PCDH15: variants seen among roughly 807,000 people sequenced by gnomAD.
The protein encoded by PCDH15 is protocadherin-15.
In PCDH15, 129 loss-of-function variants were observed where a neutral mutation model predicts 178.5. The observed-to-expected ratio is 0.72, with a 90% CI of 0.63 to 0.84. The LOEUF (loss-of-function observed/expected upper bound fraction) is 0.84, where lower values mean the gene tolerates loss of function less well. PCDH15 is among the 40% of genes least tolerant of loss of function. The pLI is 0.00. For synonymous variants in PCDH15, 800 were observed against 732.0 expected (o/e 1.09, Z -1.50); for missense variants, 2,230 against 2,099.9 (o/e 1.06, Z -1.21).
rs151265059 is a variant in PCDH15, at chr10:55,560,329, A to G, written c.-156+67296T>C. Among the ~76,000 whole-genome samples the G allele has an allele frequency of 1.6e-4, 24 of 152,002 alleles. No homozygotes were observed. In the East Asian group the frequency reaches 4.1e-3, roughly 26 times the overall value. On this transcript the variant is annotated intron_variant, in intron 2 of 5. Transcript: ENST00000613346. The stretch of plus-strand genomic sequence containing the variant: ...CTGGGAATGCTTGATGTTTTTTCCA[A>G]CATTGTGAATGGACTTATCACACCC...
chr10:55,164,554 G>A (rs1244449836), intron 2 of PCDH15, among the ~76,000 whole-genome samples: 1 of 151,812 alleles, frequency 6.6e-6, no homozygotes, highest in East Asian at 1.9e-4. Flanking sequence ...ATTGAAATAA[G>A]TATTGAGGAT....
chr10:54,595,261 A>C (rs2092162264), intron 2 of PCDH15, among the ~76,000 whole-genome samples: 1 of 152,164 alleles, frequency 6.6e-6, no homozygotes, highest in South Asian at 2.1e-4. Flanking sequence ...GCAGGTTCCT[A>C]AACTTGATCC....
chr10:53,964,652 A>G (rs1275298598), intron 21 of PCDH15, among the ~76,000 whole-genome samples: 1 of 152,130 alleles, frequency 6.6e-6, no homozygotes, highest in Non-Finnish European at 1.5e-5. Flanking sequence ...AAACCTTGAA[A>G]GCATGTTAGG....
intron 37 of PCDH15, chr10:53,808,193 G>A (rs188374347): frequency 1.3e-5 from 2 of 155,684 alleles, no homozygotes. Context: ...ACATGTTCAT[G>A]ATAGTTTTTA....
At chr10:54,767,453 C>A (rs1375554449) in intron 1 of PCDH15, among the ~76,000 whole-genome samples, 1 of 152,048 alleles carries the variant, frequency 6.6e-6, no homozygotes, top group Non-Finnish European at 1.5e-5. Flanking sequence ...ATTACATAGA[C>A]AGTCCACACT....
chr10:54,556,295 C>T (rs909948609), intron 2 of PCDH15, among the ~76,000 whole-genome samples: 1 of 152,160 alleles, frequency 6.6e-6, no homozygotes, highest in Admixed American at 6.6e-5. Context: ...TGTACCTGGA[C>T]AGTTTTACTG....
intron 2 of PCDH15, among the ~76,000 whole-genome samples, chr10:54,548,498 T>C (rs2133124310): frequency 6.8e-6 from 1 of 147,696 alleles, no homozygotes; most frequent in East Asian, 2.0e-4. Context: ...TACTTCTATT[T>C]TCCATGGTAT....
At chr10:54,023,265 A>T (rs2092983340) in intron 18 of PCDH15, 68 bp from the exon 19 acceptor site, 1 of 1,437,640 alleles carries the variant, frequency 7.0e-7, no homozygotes, top group Non-Finnish European at 9.6e-7. Flanking sequence ...AATGAAGGTA[A>T]CAGTTAACAA....
chr10:55,200,703 C>G (rs1336798616), intron 1 of PCDH15, among the ~76,000 whole-genome samples: 1 of 152,014 alleles, frequency 6.6e-6, no homozygotes, highest in African/African-American at 2.4e-5. Context: ...AAGGAAAGAC[C>G]TGGTGGGAGT....
At chr10:54,215,834 G>T (rs1001648117) in intron 9 of PCDH15, among the ~76,000 whole-genome samples, 3 of 151,834 alleles carry the variant, frequency 2.0e-5, no homozygotes, top group African/African-American at 7.2e-5. Flanking sequence ...GAGGTCAGGA[G>T]ATCCAGACCA....
intron 1 of PCDH15, among the ~76,000 whole-genome samples, chr10:55,194,272 T>C (rs986877882): frequency 6.6e-6 from 1 of 152,038 alleles, no homozygotes; most frequent in Non-Finnish European, 1.5e-5. Context: ...AGCCCTTTTC[T>C]CTCTTCATCA....
At chr10:53,931,787 GA>G (rs2085085434) in intron 25 of PCDH15, among the ~76,000 whole-genome samples, 1 of 152,108 alleles carries the variant, frequency 6.6e-6, no homozygotes, top group Non-Finnish European at 1.5e-5. Context: ...TTCAATATAT[GA>G]ATCTAATACT....
chr10:55,291,233 G>A (rs1360046702), intron 1 of PCDH15, among the ~76,000 whole-genome samples: 1 of 152,052 alleles, frequency 6.6e-6, no homozygotes, highest in Non-Finnish European at 1.5e-5. Flanking sequence ...GAAAATCTGA[G>A]AAAAGCGTTA....
chr10:55,395,845 CA>C (rs201092144), intron 2 of PCDH15, among the ~76,000 whole-genome samples: 1 of 150,488 alleles, frequency 6.6e-6, no homozygotes, highest in Admixed American at 6.6e-5. Context: ...TCCTATATCA[CA>C]AAAAAAACCA....
intron 5 of PCDH15, among the ~76,000 whole-genome samples, chr10:54,350,844 C>T (rs185396596): frequency 1.4e-4 from 21 of 152,232 alleles, no homozygotes; most frequent in African/African-American, 5.1e-4. Context: ...TGGCTAACGC[C>T]TGTAATCCCA....
At chr10:54,616,546 C>A (rs181304697) in intron 2 of PCDH15, among the ~76,000 whole-genome samples, 13 of 152,178 alleles carry the variant, frequency 8.5e-5, no homozygotes, top group South Asian at 4.1e-4. Context: ...TCCCAGACAC[C>A]TTTCCAGATA....
chr10:54,429,489 C>T (rs1956697172), intron 3 of PCDH15, among the ~76,000 whole-genome samples: 1 of 152,078 alleles, frequency 6.6e-6, no homozygotes, highest in Non-Finnish European at 1.5e-5. Flanking sequence ...TCAATGATAA[C>T]TTGTAATGTA....
intron 3 of PCDH15, among the ~76,000 whole-genome samples, chr10:54,883,101 G>C (rs113113725): frequency 6.6e-6 from 1 of 151,772 alleles, no homozygotes; most frequent in African/African-American, 2.4e-5. Context: ...AGAGAAAGTG[G>C]TTTTTCTCTG....
chr10:55,351,784 T>TGTTAAATC (rs1468993442), intron 2 of PCDH15, among the ~76,000 whole-genome samples: 2 of 152,162 alleles, frequency 1.3e-5, no homozygotes, highest in Non-Finnish European at 2.9e-5. Context: ...TTTCAAATAA[T>TGTTAAATC]GTTAAAGTTG....
Sources: gnomAD v4.1 joint callset for allele counts (sites outside exome capture counted in the v4.1 genomes callset) on GRCh38, gnomAD v4.1.1 for gene constraint, MANE v1.5 for transcripts, NCBI Gene and HGNC (gene_info 2026-07-23, HGNC 2026-07-21) for gene names.